The following ACLY variants were observed in gnomAD, a reference collection of about 807,000 sequenced individuals.
ACLY encodes ATP citrate lyase, also known as ATP-citrate synthase.
In ACLY, 41 loss-of-function variants were observed where a neutral mutation model predicts 133.0. That is an observed-to-expected ratio of 0.31 (90% CI 0.24 to 0.40). ACLY has a LOEUF of 0.40. Among genes scored for constraint, ACLY ranks in the 10% least tolerant of loss-of-function variants. The probability of loss-of-function intolerance (pLI) is 1.00; values close to 1 mark genes in which losing one functional copy is unlikely to be tolerated. For synonymous variants in ACLY, 495 were observed against 549.3 expected (o/e 0.90, Z 1.38); for missense variants, 1,046 against 1,453.8 (o/e 0.72, Z 4.56).
chr17:41,881,721 C>T lies in ACLY; in HGVS notation c.2265+1401G>A, dbSNP rs532305799. 9.9e-5 allele frequency among the ~76,000 whole-genome samples: 15 copies of T among 152,220 alleles called. No homozygotes were observed. The South Asian group carries it at 1.9e-3, about 19-fold the overall frequency. On this transcript the variant is annotated intron_variant, in intron 20 of 28. Transcript: ENST00000352035. Reference sequence around the variant, plus strand: ...AAGCAATTCTCCTGCCTCAGCCTCCCGAGTAGCTGGCATTATATGCCCCTG... The same window carrying T: ...AAGCAATTCTCCTGCCTCAGCCTCCTGAGTAGCTGGCATTATATGCCCCTG...
chr17:41,886,102 A>G lies in ACLY; in HGVS notation c.2072+10T>C. ...GCAGGAAGCCCCTCCTTGGCTTCCC[A>G]GCTGATTACCTGTCCCCACCAATGG... On this transcript the variant is annotated intron_variant, in intron 18 of 28. Transcript: ENST00000352035. 1 of 1,606,332 alleles carries G rather than the reference A, an allele frequency of 6.2e-7. No individual in the cohort carries two copies. Among genetic ancestry groups the G allele is most frequent in the Non-Finnish European group, 8.5e-7 (1 of 1,173,828 alleles).
upstream of ACLY, among the ~76,000 whole-genome samples, chr17:41,922,089 G>A (rs1555635506): frequency 1.3e-5 from 2 of 151,858 alleles, no homozygotes; most frequent in South Asian, 2.1e-4. Flanking sequence ...CCAGTTACTC[G>A]GGAGGCTGGC....
At position 41,913,768 on chromosome 17, in the gene ACLY, G is replaced by A. The variant is rs782763798; in HGVS notation, c.106C>T (p.Pro36Ser). ...AGCAAGCGGGCCCAGTCTGTGTCAGGAGTGACCCGAGCATACTTGAACCGA... is the reference window on the plus strand; with the variant it reads ...AGCAAGCGGGCCCAGTCTGTGTCAGAAGTGACCCGAGCATACTTGAACCGA... ...QNRFKYARVT[P>S]DTDWARLLQD... Residue 36 changes from proline to serine, a missense_variant, in exon 2 of 29, where the codon CCT becomes TCT. Transcript: ENST00000352035. 12 of 1,614,126 alleles carry A rather than the reference G, an allele frequency of 7.4e-6. No homozygotes were observed. In the African/African-American group the frequency reaches 1.1e-4, roughly 14 times the overall value.
chr17:41,928,830 G>A (rs2050273650), intron 1 of ACLY, among the ~76,000 whole-genome samples: 3 of 144,438 alleles, frequency 2.1e-5, no homozygotes, highest in Non-Finnish European at 4.5e-5. Context: ...TCCAGCCTGA[G>A]TGACAGAGTG....
chr17:41,873,320 C>T (rs782516898), intron 23 of ACLY, among the ~76,000 whole-genome samples: 1 of 152,084 alleles, frequency 6.6e-6, no homozygotes, highest in Non-Finnish European at 1.5e-5. Flanking sequence ...GCTGGGATTA[C>T]AGGCGTGCAC....
intron 22 of ACLY, among the ~76,000 whole-genome samples, chr17:41,876,189 T>C (rs2048747159): frequency 6.7e-6 from 1 of 150,318 alleles, no homozygotes; most frequent in African/African-American, 2.5e-5. Flanking sequence ...AGCCACCCCG[T>C]CTGGGAAGTG....
At chr17:41,914,432 C>T (rs973063855) in intron 1 of ACLY, among the ~76,000 whole-genome samples, 6 of 152,216 alleles carry the variant, frequency 3.9e-5, no homozygotes, top group Non-Finnish European at 5.9e-5. Context: ...CACCCTTACA[C>T]ACCACCGGGC....
At chr17:41,901,116 G>A (rs537585625) in intron 11 of ACLY, among the ~76,000 whole-genome samples, 174 of 151,654 alleles carry the variant, frequency 1.1e-3, no homozygotes, top group African/African-American at 4.2e-3. Flanking sequence ...CACCATGACC[G>A]GCTAATTTTT....
intron 22 of ACLY, among the ~76,000 whole-genome samples, chr17:41,875,591 G>A (rs1158438782): frequency 6.6e-5 from 10 of 152,162 alleles, no homozygotes; most frequent in Non-Finnish European, 1.0e-4. Context: ...GCAGGCGCGC[G>A]CCGCCACGCC....
chr17:41,873,703 T>C lies in ACLY; in HGVS notation c.2642+108A>G, dbSNP rs554741483. The C allele has an allele frequency of 7.1e-5, 90 of 1,269,916 alleles. No individual in the cohort carries two copies. In the African/African-American group the frequency reaches 9.2e-4, roughly 13 times the overall value. 78.7% of individuals were successfully genotyped at this position (1,269,916 alleles called of 1,614,324 possible). A position where few individuals can be genotyped will look rare whatever the true frequency, so the allele number is the denominator to read the frequency against. The stretch of plus-strand genomic sequence containing the variant: ...CTCAATTGACCTGTGGCCCCAAAGA[T>C]TGATCTTGGACACACTCCCCAGGCC... On this transcript the variant is annotated intron_variant, in intron 23 of 28. Coordinates refer to ENST00000352035, the MANE Select transcript of ACLY (RefSeq NM_001096.3).
At chr17:41,927,328 G>A (rs771199384) in intron 1 of ACLY, among the ~76,000 whole-genome samples, 1 of 151,684 alleles carries the variant, frequency 6.6e-6, no homozygotes, top group East Asian at 2.0e-4. Context: ...GCATTTTCTA[G>A]AATTGTATTT....
upstream of ACLY, among the ~76,000 whole-genome samples, chr17:41,921,479 G>GAAAAA (rs782660866): frequency 2.4e-5 from 1 of 42,428 alleles, no homozygotes; most frequent in African/African-American, 9.3e-5. Context: ...CCCTGTCTCA[G>GAAAAA]AAAAAAAAAA....
upstream of ACLY, among the ~76,000 whole-genome samples, chr17:41,919,788 A>T (rs534505291): frequency 6.6e-6 from 1 of 152,338 alleles, no homozygotes; most frequent in Admixed American, 6.5e-5. Context: ...CTTCTCCATT[A>T]CCTGAGACAG....
At position 41,868,702 on chromosome 17, in the gene ACLY, G is replaced by C. The variant is rs539414155; in HGVS notation, c.3211+7C>G. The C allele has an allele frequency of 1.2e-6, 2 of 1,611,952 alleles. No individual in the cohort carries two copies. Among genetic ancestry groups the C allele is most frequent in the South Asian group, 1.1e-5 (1 of 90,924 alleles). ...AAAACACTTAAAACAACAACGAATG[G>C]ACTCACCAATGAACCCCATACTCCT... On this transcript the variant is annotated splice_region_variant and intron_variant, in intron 28 of 28. Transcript: ENST00000352035.
At chr17:41,867,973 A>T in intron 28 of ACLY, 69 bp from the exon 29 acceptor site, 1 of 1,162,884 alleles carries the variant, frequency 8.6e-7, no homozygotes, top group Non-Finnish European at 1.2e-6. Flanking sequence ...AGGCTAAGGA[A>T]GGGAAATCTT....
intron 7 of ACLY, among the ~76,000 whole-genome samples, chr17:41,907,174 T>A (rs1049899693): frequency 6.6e-6 from 1 of 152,014 alleles, no homozygotes; most frequent in Non-Finnish European, 1.5e-5. Context: ...GGCGAGACAC[T>A]TGGAATCATG....
rs2049974736 is a variant in ACLY, at chr17:41,913,833, A to T, written c.41T>A (p.Leu14His). The T allele has an allele frequency of 6.2e-7, 1 of 1,614,110 alleles. No homozygotes were observed. Among genetic ancestry groups the T allele is most frequent in the African/African-American group, 1.3e-5 (1 of 74,934 alleles). The change falls in exon 2 of 29, where the codon CTC (leucine) becomes CAC (histidine). Residue 14 changes from leucine to histidine, a missense_variant. Transcript: ENST00000352035. ...GGTGGTACAGATGAACTTGTAAAGGAGTTCTTTGCCCGTCTGCTCTGAAAT... is the reference window on the plus strand; with the variant it reads ...GGTGGTACAGATGAACTTGTAAAGGTGTTCTTTGCCCGTCTGCTCTGAAAT... ...KAISEQTGKE[L>H]LYKFICTTSA...
intron 1 of ACLY, among the ~76,000 whole-genome samples, chr17:41,928,852 TAA>T (rs11428338): frequency 9.2e-5 from 11 of 119,780 alleles, no homozygotes; most frequent in Admixed American, 1.8e-4. Flanking sequence ...GACTCCACCA[TAA>T]AAAAAAAAAA....
intron 28 of ACLY, among the ~76,000 whole-genome samples, chr17:41,868,436 CA>C (rs10639270): frequency 6.8e-5 from 7 of 102,818 alleles, no homozygotes; most frequent in African/African-American, 1.2e-4. Context: ...GACTCAGTCT[CA>C]AAAAAAAAAA....
Sources: allele counts gnomAD v4.1 joint callset (sites outside exome capture counted in the v4.1 genomes callset), GRCh38; gene constraint gnomAD v4.1.1; transcripts MANE v1.5; gene names NCBI Gene and HGNC (gene_info 2026-07-23, HGNC 2026-07-21).